Variants in URI1 observed in about 807,000 individuals in gnomAD.
URI1 encodes URI1 prefoldin like chaperone.
In URI1, 39 loss-of-function variants were observed where a neutral mutation model predicts 60.2. That is an observed-to-expected ratio of 0.65 (90% CI 0.50 to 0.85). The LOEUF (loss-of-function observed/expected upper bound fraction) is 0.85, where lower values mean the gene tolerates loss of function less well. Among genes scored for constraint, URI1 ranks in the 40% least tolerant of loss-of-function variants. The pLI is 0.00. For missense variants in URI1, 691 were observed against 665.9 expected (o/e 1.04, Z -0.42); for synonymous variants, 251 against 236.8 (o/e 1.06, Z -0.55).
chr19:30,007,403 T>G, intron 6 of URI1, 67 bp from the exon 7 acceptor site: 1 of 1,537,626 alleles, frequency 6.5e-7, no homozygotes, highest in Non-Finnish European at 8.8e-7. Context: ...AAAGTCTCAT[T>G]AAGTCTGGGT....
At chr19:29,943,382 T>C (rs750680) in intron 1 of URI1, among the ~76,000 whole-genome samples, 125,211 of 152,234 alleles carry the variant, frequency 0.82, 52,449 homozygotes, top group Non-Finnish European at 0.9. Context: ...ATTTAAGAAA[T>C]AGTTTTATTG....
chr19:29,963,082 A>G (rs879738651), intron 1 of URI1, among the ~76,000 whole-genome samples: 19 of 152,126 alleles, frequency 1.2e-4, no homozygotes, highest in Non-Finnish European at 2.6e-4. Context: ...ACTGTTAACT[A>G]TGTTGTGCCT....
At chr19:29,995,822 C>G (rs999462473) in intron 4 of URI1, among the ~76,000 whole-genome samples, 6 of 151,808 alleles carry the variant, frequency 4.0e-5, no homozygotes, top group African/African-American at 1.2e-4. Context: ...TATTCTTTTG[C>G]ATGTGGTTCC....
chr19:29,978,815 A>G (rs2055557431), intron 2 of URI1, among the ~76,000 whole-genome samples: 1 of 152,124 alleles, frequency 6.6e-6, no homozygotes, highest in South Asian at 2.1e-4. Context: ...TTTTTCTTTT[A>G]TTTTTAAGTC....
intron 10 of URI1, among the ~76,000 whole-genome samples, chr19:30,013,366 A>G (rs1332616814): frequency 6.6e-6 from 1 of 152,104 alleles, no homozygotes; most frequent in East Asian, 1.9e-4. Flanking sequence ...GTAATTGGGG[A>G]TGGAGATTGG....
At chr19:29,993,401 A>T (rs1230853521) in intron 4 of URI1, among the ~76,000 whole-genome samples, 1 of 152,192 alleles carries the variant, frequency 6.6e-6, no homozygotes, top group Admixed American at 6.5e-5. Flanking sequence ...CGTTACTTAG[A>T]AGCCCTGTAA....
At chr19:29,943,171 C>A (rs980328786) in intron 1 of URI1, among the ~76,000 whole-genome samples, 1 of 152,096 alleles carries the variant, frequency 6.6e-6, no homozygotes, top group African/African-American at 2.4e-5. Context: ...TCTCGAACTT[C>A]TGGCCTCAAG....
At chr19:29,977,031 C>T (rs559574990) in intron 2 of URI1, among the ~76,000 whole-genome samples, 1 of 152,046 alleles carries the variant, frequency 6.6e-6, no homozygotes, top group South Asian at 2.1e-4. Context: ...AAAAGAGTAA[C>T]TAGCTTCCAT....
chr19:30,003,507 G>A (rs1381484148), intron 4 of URI1, among the ~76,000 whole-genome samples: 1 of 151,998 alleles, frequency 6.6e-6, no homozygotes, highest in Non-Finnish European at 1.5e-5. Context: ...AAGCTTTCTT[G>A]AATTTAAAAA....
At chr19:29,926,968 T>A (rs2054873565) in intron 1 of URI1, among the ~76,000 whole-genome samples, 1 of 152,138 alleles carries the variant, frequency 6.6e-6, no homozygotes, top group Non-Finnish European at 1.5e-5. Context: ...AGGATGCGAA[T>A]GAATTGGAGA....
Position 30,009,052 on chromosome 19 carries a change from A to C in URI1, c.734A>C (p.Glu245Ala). ...AATGGAGAAGATACGACATCTTCTG[A>C]AGAGGAAAAGGAAGATCGTAACACA... ...IANGEDTTSS[E>A]EEKEDRNTNV... Residue 245 changes from glutamate to alanine, a missense_variant, in exon 8 of 11, where the codon GAA (glutamate) becomes GCA (alanine). By Grantham distance (107) the Glu-to-Ala change is moderately radical (BLOSUM62 -1). Coordinates refer to ENST00000392271, the MANE Select transcript of URI1 (RefSeq NM_003796.3). The C allele has an allele frequency of 1.2e-6, 2 of 1,613,752 alleles. No homozygotes were observed. The highest frequency in any genetic ancestry group is 2.2e-5 in the South Asian group (2 of 91,030).
At chr19:29,994,867 C>T (rs576659938) in intron 4 of URI1, among the ~76,000 whole-genome samples, 70 of 151,690 alleles carry the variant, frequency 4.6e-4, no homozygotes, top group African/African-American at 1.6e-3. Context: ...CTGCAGCCTC[C>T]GCCTCCCAGG....
chr19:30,007,589 C>T lies in URI1; in HGVS notation c.637C>T (p.Arg213Ter), dbSNP rs369899938. Residue 213 changes from arginine to a stop codon, truncating the protein, a stop_gained, in exon 7 of 11, where the codon CGA becomes TGA. Coordinates refer to ENST00000392271, the MANE Select transcript of URI1 (RefSeq NM_003796.3). LOFTEE classifies it high-confidence loss of function. ...GCTAGCTGATAAAGAACTGTGGGCT[C>T]GACTTGAAGAACTAGAGAGACAGGA... ...DLLADKELWA[R>*]LEELERQEEL... 3.1e-6 allele frequency: 5 copies of T among 1,612,650 alleles called. No individual in the cohort carries two copies. Among genetic ancestry groups the T allele is most frequent in the South Asian group, 2.2e-5 (2 of 90,974 alleles).
upstream of URI1, among the ~76,000 whole-genome samples, chr19:29,939,609 A>G (rs1384643957): frequency 6.6e-6 from 1 of 152,212 alleles, no homozygotes; most frequent in East Asian, 1.9e-4. Flanking sequence ...AAGTGCTACA[A>G]AGAAAATTTA....
chr19:29,949,531 C>CT (rs2055150760), intron 1 of URI1, among the ~76,000 whole-genome samples: 1 of 152,246 alleles, frequency 6.6e-6, no homozygotes. Flanking sequence ...AGGCTGCAAT[C>CT]TCGGCACTTT....
intron 1 of URI1, chr19:29,956,863 G>A (rs758112594): frequency 2.0e-5 from 31 of 1,527,460 alleles, no homozygotes; most frequent in Middle Eastern, 2.1e-4. Flanking sequence ...TGAGTTCTAC[G>A]TTGATGTGAT....
chr19:29,964,557 C>T lies in URI1; in HGVS notation c.118-6636C>T, dbSNP rs138113456. ...TTGGCTCACTGCAACCTCTGCTTTC[C>T]GGGTTTGATTTTCCTGCCTCAGCCT... On this transcript the variant is annotated intron_variant, in intron 1 of 10. Coordinates refer to ENST00000392271, the MANE Select transcript of URI1 (RefSeq NM_003796.3). Among the ~76,000 whole-genome samples, 16 of 150,090 alleles carry T rather than the reference C, an allele frequency of 1.1e-4. 1 individual carries two copies. In the East Asian group the frequency reaches 2.9e-3, roughly 28 times the overall value.
At position 29,994,941 on chromosome 19, in the gene URI1, C is replaced by T. The variant is rs79965439; in HGVS notation, c.367+8524C>T. 6.7e-3 allele frequency among the ~76,000 whole-genome samples: 1,025 copies of T among 151,980 alleles called. 28 individuals are homozygous for T. In the East Asian group the frequency reaches 0.07, roughly 10 times the overall value. ...GACTACAGGTGTGCACCACCATGCC[C>T]GACTAATTTTTTGTATTTTTAGTAG... On this transcript the variant is annotated intron_variant, in intron 4 of 10. Transcript: ENST00000392271.
At chr19:30,010,794 G>C (rs2056007486) in intron 8 of URI1, among the ~76,000 whole-genome samples, 1 of 152,052 alleles carries the variant, frequency 6.6e-6, no homozygotes, top group Non-Finnish European at 1.5e-5. Flanking sequence ...CAAAGGAATG[G>C]GGTGATGGGA....
Sources: gnomAD v4.1 joint callset for allele counts (sites outside exome capture counted in the v4.1 genomes callset) on GRCh38, gnomAD v4.1.1 for gene constraint, MANE v1.5 for transcripts, NCBI Gene and HGNC (gene_info 2026-07-23, HGNC 2026-07-21) for gene names.